The following PAQR8 variants were observed in gnomAD, a reference collection of about 807,000 sequenced individuals.
The protein encoded by PAQR8 is membrane progestin receptor beta.
Under a neutral mutation model 25.2 loss-of-function variants are expected in PAQR8, and 17 were observed. The observed-to-expected ratio is 0.67, with a 90% CI of 0.46 to 1.01. The LOEUF (loss-of-function observed/expected upper bound fraction) is 1.01, where lower values mean the gene tolerates loss of function less well. Among genes scored for constraint, PAQR8 ranks in the 50% least tolerant of loss-of-function variants. The pLI, the probability that PAQR8 is intolerant of heterozygous loss-of-function variation, is 0.00. For missense variants in PAQR8, 392 were observed against 448.4 expected (o/e 0.87, Z 1.14); for synonymous variants, 204 against 190.6 (o/e 1.07, Z -0.58).
chr6:52,398,673 C>T (rs890813859), intron 1 of PAQR8, among the ~76,000 whole-genome samples: 20 of 152,218 alleles, frequency 1.3e-4, no homozygotes, highest in African/African-American at 3.4e-4. Flanking sequence ...CCTGCCTCAG[C>T]CTCCCTAGTA....
intron 1 of PAQR8, among the ~76,000 whole-genome samples, chr6:52,379,629 T>C (rs1468330311): frequency 7.3e-4 from 99 of 134,928 alleles, no homozygotes; most frequent in South Asian, 5.9e-3. Flanking sequence ...CTTTTTTTTT[T>C]TTTTTTTTTT....
Position 52,376,222 on chromosome 6 carries a change from G to A in PAQR8, c.-53+13973G>A, listed in dbSNP as rs1763483445. On this transcript the variant is annotated intron_variant, in intron 1 of 1. Coordinates refer to ENST00000442253, the MANE Select transcript of PAQR8 (RefSeq NM_133367.5). ...TGTTCATGACCATATTTTAGACAATGTATTGGACAGCAGTAATGGCTTAGG... is the reference window on the plus strand; with the variant it reads ...TGTTCATGACCATATTTTAGACAATATATTGGACAGCAGTAATGGCTTAGG... 2.0e-5 allele frequency among the ~76,000 whole-genome samples: 3 copies of A among 152,326 alleles called. No individual in the cohort carries two copies. In the South Asian group the frequency reaches 6.2e-4, roughly 32 times the overall value.
At chr6:52,382,023 T>G (rs1185840428) in intron 1 of PAQR8, among the ~76,000 whole-genome samples, 2 of 152,136 alleles carry the variant, frequency 1.3e-5, no homozygotes, top group African/African-American at 4.8e-5. Flanking sequence ...TCAACAGATG[T>G]TTGTTGAGGG....
intron 1 of PAQR8, among the ~76,000 whole-genome samples, chr6:52,393,402 C>CGTT (rs1763733133): frequency 7.2e-6 from 1 of 138,910 alleles, no homozygotes; most frequent in Non-Finnish European, 1.5e-5. Flanking sequence ...GTGGCATAAC[C>CGTT]ATGGCTCACT....
intron 1 of PAQR8, among the ~76,000 whole-genome samples, chr6:52,383,534 G>A (rs927572248): frequency 7.9e-5 from 12 of 151,662 alleles, no homozygotes; most frequent in African/African-American, 2.2e-4. Context: ...GGTGGCGGGC[G>A]CCTGTAGTCC....
chr6:52,382,928 C>T (rs1763579129), intron 1 of PAQR8, among the ~76,000 whole-genome samples: 1 of 152,146 alleles, frequency 6.6e-6, no homozygotes, highest in Non-Finnish European at 1.5e-5. Flanking sequence ...GCCACAGGCA[C>T]ATACTACCAT....
chr6:52,390,522 G>A (rs1184280912), intron 1 of PAQR8, among the ~76,000 whole-genome samples: 1 of 152,186 alleles, frequency 6.6e-6, no homozygotes, highest in African/African-American at 2.4e-5. Context: ...TGGCAAAAAG[G>A]TGTACCTTAC....
At chr6:52,394,942 A>T (rs528938853) in intron 1 of PAQR8, among the ~76,000 whole-genome samples, 1 of 152,058 alleles carries the variant, frequency 6.6e-6, no homozygotes, top group South Asian at 2.1e-4. Flanking sequence ...TAAAAAAAAA[A>T]TTTGAAAGGC....
chr6:52,363,853 A>G (rs1012241811), intron 1 of PAQR8, among the ~76,000 whole-genome samples: 3 of 149,030 alleles, frequency 2.0e-5, no homozygotes, highest in Non-Finnish European at 4.4e-5. Flanking sequence ...GTGTATCTAA[A>G]AACAAAGGAC....
At chr6:52,401,789 G>A (rs16882478) in intron 1 of PAQR8, among the ~76,000 whole-genome samples, 14,485 of 152,178 alleles carry the variant, frequency 0.095, 1,181 homozygotes, top group Admixed American at 0.26. Flanking sequence ...AGTGAAATTA[G>A]TGGATAGTTT....
chr6:52,393,731 C>T (rs1366740119), intron 1 of PAQR8, among the ~76,000 whole-genome samples: 3 of 152,116 alleles, frequency 2.0e-5, no homozygotes. Context: ...TATTCTCAGC[C>T]CTCAAAGGAT....
At chr6:52,364,400 A>G (rs1763328512) in intron 1 of PAQR8, among the ~76,000 whole-genome samples, 2 of 152,348 alleles carry the variant, frequency 1.3e-5, no homozygotes, top group Middle Eastern at 3.4e-3. Flanking sequence ...TCATTCCTGC[A>G]GCAGTGTACT....
chr6:52,373,432 T>C (rs890062040), intron 1 of PAQR8: 2 of 152,254 alleles, frequency 1.3e-5, no homozygotes, highest in Non-Finnish European at 2.9e-5. Context: ...GGTTTTCTCT[T>C]GGCGGAAGGA....
intron 1 of PAQR8, among the ~76,000 whole-genome samples, chr6:52,380,683 A>G (rs2113940432): frequency 6.6e-6 from 1 of 152,342 alleles, no homozygotes; most frequent in Non-Finnish European, 1.5e-5. Flanking sequence ...CATTAAGACT[A>G]GGATTTTCCA....
Position 52,406,408 on chromosome 6 carries a change from G to A in PAQR8, c.*2130G>A, listed in dbSNP as rs1283262499. 2.4e-6 allele frequency: 1 copy of A among 413,126 alleles called. No individual in the cohort carries two copies. Among genetic ancestry groups the A allele is most frequent in the Non-Finnish European group, 4.4e-6 (1 of 226,002 alleles). The allele number at this position is 413,126 out of a possible 1,614,324, so 25.6% of individuals were successfully genotyped here. ...ACGTATTTTTTAAAAGAGAGAACCG[G>A]AGGTAGAGCAATGATCAGATGGGTG... On this transcript the variant is annotated 3_prime_UTR_variant, in exon 2 of 2. Transcript: ENST00000442253.
intron 1 of PAQR8, among the ~76,000 whole-genome samples, chr6:52,363,135 C>T (rs1763310318): frequency 6.6e-6 from 1 of 152,036 alleles, no homozygotes; most frequent in Non-Finnish European, 1.5e-5. Flanking sequence ...CGGGTGGGGA[C>T]CTCGCACTCA....
intron 1 of PAQR8, among the ~76,000 whole-genome samples, chr6:52,370,580 A>G (rs1187138970): frequency 1.3e-5 from 2 of 152,170 alleles, no homozygotes; most frequent in Admixed American, 1.3e-4. Flanking sequence ...TCAGTGTGAG[A>G]CAGGGTAAAG....
chr6:52,399,493 G>A (rs1166128426), intron 1 of PAQR8, among the ~76,000 whole-genome samples: 1 of 152,152 alleles, frequency 6.6e-6, no homozygotes. Context: ...CTATGTGATG[G>A]ATACGCTATT....
At chr6:52,379,383 G>T (rs1216435205) in intron 1 of PAQR8, among the ~76,000 whole-genome samples, 1 of 152,158 alleles carries the variant, frequency 6.6e-6, no homozygotes, top group Non-Finnish European at 1.5e-5. Flanking sequence ...ACAACACTGT[G>T]AATTGATTTA....
Sources: allele counts gnomAD v4.1 joint callset (sites outside exome capture counted in the v4.1 genomes callset), GRCh38; gene constraint gnomAD v4.1.1; transcripts MANE v1.5; gene names NCBI Gene and HGNC (gene_info 2026-07-23, HGNC 2026-07-21).